ZC3H12B: variants seen among roughly 807,000 people sequenced by gnomAD.
ZC3H12B encodes the protein probable ribonuclease ZC3H12B.
In ZC3H12B, 7 loss-of-function variants were observed where a neutral mutation model predicts 43.9. That is an observed-to-expected ratio of 0.16 (90% CI 0.09 to 0.30). The LOEUF (loss-of-function observed/expected upper bound fraction) is 0.30, where lower values mean the gene tolerates loss of function less well. ZC3H12B is among the 10% of genes least tolerant of loss of function. ZC3H12B has a pLI of 1.00. For missense variants in ZC3H12B, 475 were observed against 670.2 expected, an observed-to-expected ratio of 0.71 and a Z score of 3.22; for synonymous variants, 222 against 241.7, an observed-to-expected ratio of 0.92 and a Z score of 0.76.
chrX:65,345,606 C>A, the ZC3H12B span, among the ~76,000 whole-genome samples: 1 of 111,192 alleles, frequency 9.0e-6, no homozygotes, highest in Non-Finnish European at 1.9e-5. Context: ...AGGCTTAATA[C>A]ATGGGTGACA....
chrX:65,239,174 T>G, the ZC3H12B span, among the ~76,000 whole-genome samples: 1 of 111,173 alleles, frequency 9.0e-6, no homozygotes, highest in South Asian at 3.8e-4. Flanking sequence ...TAGTGGGGTG[T>G]TTAAGTCTCT....
At chrX:65,360,174 A>G in the ZC3H12B span, among the ~76,000 whole-genome samples, 1 of 112,613 alleles carries the variant, frequency 8.9e-6, no homozygotes, top group Admixed American at 9.4e-5. Flanking sequence ...TAACTTTTAA[A>G]TGAAATAGAA....
chrX:65,069,950 C>T, the ZC3H12B span, among the ~76,000 whole-genome samples: 1 of 110,657 alleles, frequency 9.0e-6, no homozygotes, highest in Non-Finnish European at 1.9e-5. Flanking sequence ...CAAGATGATG[C>T]TGGCCTCATA....
chrX:65,211,088 G>GAAAAAAAAAAAAAAAAA, the ZC3H12B span, among the ~76,000 whole-genome samples: 1 of 63,382 alleles, frequency 1.6e-5, no homozygotes, highest in African/African-American at 5.5e-5. Context: ...AAAAAAGAAA[G>GAAAAAAAAAAAAAAAAA]AAAAAAAAAA....
chrX:65,418,104 A>G (rs950152018), intron 3 of ZC3H12B, among the ~76,000 whole-genome samples: 2 of 112,050 alleles, frequency 1.8e-5, no homozygotes, highest in African/African-American at 6.5e-5. Context: ...TTACTATTTT[A>G]TTTTATATTT....
chrX:65,293,016 C>T, the ZC3H12B span, among the ~76,000 whole-genome samples: 1 of 112,128 alleles, frequency 8.9e-6, no homozygotes, highest in Non-Finnish European at 1.9e-5. Context: ...AAAGCTGAAA[C>T]ATCATTCAAA....
chrX:65,488,625 G>T (rs2068160557), upstream of ZC3H12B: 2 of 442,415 alleles, frequency 4.5e-6, no homozygotes, highest in African/African-American at 2.5e-5. Flanking sequence ...AATATGATGT[G>T]GTATGTGTGT....
At chrX:65,441,007 T>C (rs1334960872) in intron 3 of ZC3H12B, among the ~76,000 whole-genome samples, 3 of 112,530 alleles carry the variant, frequency 2.7e-5, no homozygotes, top group Non-Finnish European at 5.6e-5. Flanking sequence ...TTTCCTAACC[T>C]TTGGCAGGAA....
chrX:65,302,165 T>C, the ZC3H12B span, among the ~76,000 whole-genome samples: 1 of 111,005 alleles, frequency 9.0e-6, no homozygotes, highest in Middle Eastern at 4.8e-3. Flanking sequence ...ATACTGGATG[T>C]CCTAGGTTAT....
intron 3 of ZC3H12B, among the ~76,000 whole-genome samples, chrX:65,435,964 A>T (rs2067216976): frequency 8.9e-6 from 1 of 112,171 alleles, no homozygotes; most frequent in Non-Finnish European, 1.9e-5. Flanking sequence ...CCATTCTCAC[A>T]TTGCTTCAAA....
chrX:65,220,638 G>T, the ZC3H12B span, among the ~76,000 whole-genome samples: 1 of 111,945 alleles, frequency 8.9e-6, no homozygotes, highest in African/African-American at 3.2e-5. Flanking sequence ...GACTAGTTCA[G>T]CAGGAAACTA....
the ZC3H12B span, among the ~76,000 whole-genome samples, chrX:65,251,314 A>T: frequency 8.9e-6 from 1 of 111,786 alleles, no homozygotes; most frequent in African/African-American, 3.3e-5. Context: ...TTTTGGTACC[A>T]GTACCATGCT....
the ZC3H12B span, among the ~76,000 whole-genome samples, chrX:65,050,567 G>T: frequency 9.0e-6 from 1 of 110,716 alleles, no homozygotes; most frequent in East Asian, 2.9e-4. Context: ...ACCATATATG[G>T]TTTTGTTGAA....
At chrX:65,132,723 T>C in the ZC3H12B span, among the ~76,000 whole-genome samples, 11 of 111,397 alleles carry the variant, frequency 9.9e-5, no homozygotes, top group African/African-American at 3.6e-4. Context: ...AGCCTGGCTG[T>C]CAATACCCAC....
the ZC3H12B span, among the ~76,000 whole-genome samples, chrX:65,085,615 A>G: frequency 9.1e-6 from 1 of 109,920 alleles, no homozygotes; most frequent in Non-Finnish European, 1.9e-5. Flanking sequence ...TCTACAAAAA[A>G]TAAAAAATTA....
At chrX:65,110,327 T>C in the ZC3H12B span, among the ~76,000 whole-genome samples, 1 of 110,751 alleles carries the variant, frequency 9.0e-6, no homozygotes, top group Non-Finnish European at 1.9e-5. Context: ...CTTTTATGCA[T>C]TGTGCTTTTG....
At chrX:65,182,733 CA>C in the ZC3H12B span, among the ~76,000 whole-genome samples, 1 of 104,908 alleles carries the variant, frequency 9.5e-6, no homozygotes, top group African/African-American at 3.5e-5. Context: ...AAAAAAAAAA[CA>C]AAAAACCCTA....
the ZC3H12B span, among the ~76,000 whole-genome samples, chrX:65,344,318 A>C: frequency 1.8e-5 from 2 of 111,823 alleles, no homozygotes; most frequent in African/African-American, 3.2e-5. Flanking sequence ...TCATAGAACT[A>C]TAAAAAGCTA....
chrX:65,425,599 G>T (rs1007008897), intron 3 of ZC3H12B, among the ~76,000 whole-genome samples: 3 of 111,337 alleles, frequency 2.7e-5, no homozygotes, highest in Non-Finnish European at 5.7e-5. Context: ...CTGTGGGTTT[G>T]TCATATATAG....
Sources: allele counts gnomAD v4.1 joint callset (sites outside exome capture counted in the v4.1 genomes callset), GRCh38; gene constraint gnomAD v4.1.1; transcripts MANE v1.5; gene names NCBI Gene and HGNC (gene_info 2026-07-23, HGNC 2026-07-21).